Variants in ERAP2 observed in about 807,000 individuals in gnomAD.
ERAP2 encodes leukocyte-derived arginine aminopeptidase.
ERAP2 carries 118 observed loss-of-function variants against 111.1 expected under a neutral mutation model. The observed-to-expected ratio is 1.06, with a 90% CI of 0.92 to 1.24. The LOEUF is 1.24. ERAP2 is among the 50% of genes most tolerant of loss of function. ERAP2 has a pLI of 0.00. For synonymous variants in ERAP2, 410 were observed against 401.2 expected (o/e 1.02, Z -0.26); for missense variants, 1,131 against 1,125.8 (o/e 1.00, Z -0.07).
chr5:96,918,336 G>A lies in ERAP2; in HGVS notation c.*731G>A, dbSNP rs1054848. On this transcript the variant is annotated 3_prime_UTR_variant, in exon 19 of 19. Coordinates refer to ENST00000437043, the MANE Select transcript of ERAP2 (RefSeq NM_022350.5). ...CTATAGTTTGCCCAACCAGTTTTACGTCCAAGGAAAATTAGCCAATGCATA... is the reference window on the plus strand; with the variant it reads ...CTATAGTTTGCCCAACCAGTTTTACATCCAAGGAAAATTAGCCAATGCATA... 2 of 152,074 alleles carry A rather than the reference G, an allele frequency of 1.3e-5. No individual in the cohort carries two copies. Among genetic ancestry groups the A allele is most frequent in the African/African-American group, 4.8e-5 (2 of 41,404 alleles). 9.4% of individuals were successfully genotyped at this position (152,074 alleles called of 1,614,324 possible).
chr5:96,879,239 A>C (rs1431824920), intron 1 of ERAP2, among the ~76,000 whole-genome samples: 1 of 152,218 alleles, frequency 6.6e-6, no homozygotes, highest in Non-Finnish European at 1.5e-5. Flanking sequence ...TAAATAAATA[A>C]ACAAAAATTT....
chr5:96,897,011 C>A, intron 9 of ERAP2, 148 bp downstream of exon 9: 1 of 247,264 alleles, frequency 4.0e-6, no homozygotes, highest in Non-Finnish European at 5.5e-6. Context: ...GGCAGCACTT[C>A]CCTTTTTCCT....
intron 18 of ERAP2, 63 bp downstream of exon 18, chr5:96,915,832 A>C (rs1003208339): frequency 2.2e-6 from 3 of 1,354,782 alleles, no homozygotes; most frequent in Non-Finnish European, 3.1e-6. Flanking sequence ...ATTGAAAGTA[A>C]ACTTAGATAT....
Position 96,902,325 on chromosome 5 carries a change from C to T in ERAP2, c.1800C>T (p.Ile600=). ...LTYSTSSSNV[I]HRHILKSKTD... is the part of the protein sequence containing the mutation. Reference sequence around the variant, plus strand: ...ACTCCACGAGTTCTTCTAATGTGATCCACAGACACATTCTAAAATCAAAGA... The same window carrying T: ...ACTCCACGAGTTCTTCTAATGTGATTCACAGACACATTCTAAAATCAAAGA... The change falls in exon 12 of 19, where the codon ATC becomes ATT. Residue 600 remains isoleucine, a synonymous_variant. Coordinates refer to ENST00000437043, the MANE Select transcript of ERAP2 (RefSeq NM_022350.5). The T allele has an allele frequency of 6.2e-7, 1 of 1,611,126 alleles. No homozygotes were observed. Among genetic ancestry groups the T allele is most frequent in the East Asian group, 2.2e-5 (1 of 44,824 alleles).
chr5:96,896,965 T>TG, intron 9 of ERAP2, 102 bp downstream of exon 9: 1 of 987,682 alleles, frequency 1.0e-6, no homozygotes, highest in Middle Eastern at 3.8e-4. Context: ...GTCAACCATA[T>TG]TTATTCTGCT....
chr5:96,909,253 G>C (rs1026117853), intron 14 of ERAP2, 136 bp downstream of exon 14: 2 of 780,316 alleles, frequency 2.6e-6, no homozygotes, highest in East Asian at 2.7e-5. Context: ...GCATGTAATG[G>C]TCAATGACCC....
chr5:96,887,924 G>C (rs1783929670), intron 4 of ERAP2, among the ~76,000 whole-genome samples: 1 of 152,084 alleles, frequency 6.6e-6, no homozygotes, highest in Non-Finnish European at 1.5e-5. Flanking sequence ...TCAGGAGTTT[G>C]AGACCAGCCT....
chr5:96,912,858 A>T, intron 16 of ERAP2, 60 bp downstream of exon 16: 1 of 1,417,420 alleles, frequency 7.1e-7, no homozygotes, highest in African/African-American at 1.5e-5. Flanking sequence ...CAGTGAAGTC[A>T]CTAAAACTTC....
intron 13 of ERAP2, among the ~76,000 whole-genome samples, chr5:96,904,880 A>G (rs1013147253): frequency 6.6e-6 from 1 of 152,224 alleles, no homozygotes; most frequent in Non-Finnish European, 1.5e-5. Context: ...CACTAAGTAG[A>G]CAGATTAATG....
At chr5:96,886,825 A>G in intron 4 of ERAP2, 36 bp downstream of exon 4, 1 of 1,372,440 alleles carries the variant, frequency 7.3e-7, no homozygotes, top group Non-Finnish European at 9.5e-7. Context: ...GCAGTGCAGA[A>G]AAGTGTCCTG....
chr5:96,908,282 C>T (rs1028369193), intron 13 of ERAP2, among the ~76,000 whole-genome samples: 4 of 152,152 alleles, frequency 2.6e-5, no homozygotes, highest in Non-Finnish European at 4.4e-5. Flanking sequence ...GGAGCACTTT[C>T]CAATAGTGAG....
rs775648493 is a variant in ERAP2, at chr5:96,886,696, C to T, written c.756C>T (p.His252=). The part of the protein sequence containing the change: ...IELEGGLLED[H]FETTVKMSTY... ...TTGAAGGAGGTCTTTTGGAAGATCACTTTGAAACTACTGTAAAAATGAGTA... is the reference window on the plus strand; with the variant it reads ...TTGAAGGAGGTCTTTTGGAAGATCATTTTGAAACTACTGTAAAAATGAGTA... Residue 252 remains histidine, a synonymous_variant, in exon 4 of 19, where the codon CAC becomes CAT. Coordinates refer to ENST00000437043, the MANE Select transcript of ERAP2 (RefSeq NM_022350.5). The T allele has an allele frequency of 1.3e-6, 2 of 1,554,232 alleles. No homozygotes were observed. The highest frequency in any genetic ancestry group is 8.8e-7 in the Non-Finnish European group (1 of 1,138,240).
chr5:96,886,060 A>T (rs1783682123), intron 3 of ERAP2, among the ~76,000 whole-genome samples: 6 of 152,240 alleles, frequency 3.9e-5, no homozygotes. Flanking sequence ...TCATCTTTGG[A>T]GTCACACGGT....
intron 2 of ERAP2, among the ~76,000 whole-genome samples, chr5:96,881,822 T>G (rs888710172): frequency 6.6e-6 from 1 of 152,122 alleles, no homozygotes; most frequent in Non-Finnish European, 1.5e-5. Flanking sequence ...AATCTAACAC[T>G]CTTTACAAAG....
At chr5:96,896,348 A>C in intron 7 of ERAP2, 25 bp from the exon 8 acceptor site, 1 of 1,585,244 alleles carries the variant, frequency 6.3e-7, no homozygotes, top group Non-Finnish European at 8.6e-7. Context: ...AGAAACTAAA[A>C]CTAAACATTT....
chr5:96,889,061 T>G, intron 4 of ERAP2, 124 bp from the exon 5 acceptor site: 1 of 1,167,496 alleles, frequency 8.6e-7, no homozygotes, highest in South Asian at 1.5e-5. Flanking sequence ...GACAACATGC[T>G]TAATGGTATC....
chr5:96,900,920 C>T (rs1179356555), intron 10 of ERAP2, among the ~76,000 whole-genome samples: 1 of 152,156 alleles, frequency 6.6e-6, no homozygotes, highest in African/African-American at 2.4e-5. Context: ...CCACCTTGGC[C>T]TCCCAAAATG....
Position 96,880,184 on chromosome 5 carries a change from G to A in ERAP2, c.499G>A (p.Asp167Asn). The A allele has an allele frequency of 6.2e-7, 1 of 1,614,006 alleles. No homozygotes were observed. The highest frequency in any genetic ancestry group is 1.6e-4 in the Middle Eastern group (1 of 6,062). Residue 167 changes from aspartate (D) to asparagine (N), a missense_variant, in exon 2 of 19, where the codon GAC becomes AAC. Asp to Asn is a conservative substitution (Grantham distance 23). Transcript: ENST00000437043. Reference sequence around the variant, plus strand: ...TCACCTGAAATACTATGTGGCTATGGACTTCCAAGCCAAGTTAGGTGATGG... The same window carrying A: ...TCACCTGAAATACTATGTGGCTATGAACTTCCAAGCCAAGTTAGGTGATGG... ...TPHLKYYVAMDFQAKLGDGFE... is the reference protein window; with the variant it reads ...TPHLKYYVAMNFQAKLGDGFE...
rs550445192 is a variant in ERAP2, at chr5:96,887,622, T to C, written c.849+833T>C. On this transcript the variant is annotated intron_variant, in intron 4 of 18. Transcript: ENST00000437043. ...ACAGTTTCCAACTGTTTTTTATAAC[T>C]TTTTTCCCTCAATGAAAGAAGATCT... Among the ~76,000 whole-genome samples, 112 of 152,294 alleles carry C rather than the reference T, an allele frequency of 7.4e-4. 1 individual carries two copies. The highest frequency in any genetic ancestry group is 1.4e-3 in the Non-Finnish European group (96 of 68,008).
Sources: gnomAD v4.1 joint callset for allele counts (sites outside exome capture counted in the v4.1 genomes callset) on GRCh38, gnomAD v4.1.1 for gene constraint, MANE v1.5 for transcripts, NCBI Gene and HGNC (gene_info 2026-07-23, HGNC 2026-07-21) for gene names.